The following CCDC6 variants were observed in gnomAD, a reference collection of about 807,000 sequenced individuals.
The protein encoded by CCDC6 is coiled-coil domain containing 6.
In CCDC6, 20 loss-of-function variants were observed where a neutral mutation model predicts 56.6. That is an observed-to-expected ratio of 0.35 (90% CI 0.25 to 0.51). CCDC6 has a LOEUF of 0.51. Among genes scored for constraint, CCDC6 ranks in the 20% least tolerant of loss-of-function variants. CCDC6 has a pLI of 0.95. For synonymous variants in CCDC6, 241 were observed against 234.4 expected (o/e 1.03, Z -0.26); for missense variants, 367 against 601.1 (o/e 0.61, Z 4.07).
chr10:59,898,508 C>T (rs1379994292), intron 1 of CCDC6, among the ~76,000 whole-genome samples: 3 of 152,196 alleles, frequency 2.0e-5, no homozygotes, highest in Non-Finnish European at 2.9e-5. Flanking sequence ...CAGGAGTCGG[C>T]CTAAGCTTCC....
At chr10:59,808,055 G>C (rs531900392) in intron 5 of CCDC6, among the ~76,000 whole-genome samples, 3 of 152,126 alleles carry the variant, frequency 2.0e-5, no homozygotes, top group Admixed American at 6.5e-5. Context: ...AGCGGCAGAG[G>C]GCAGGTGAAG....
intron 1 of CCDC6, among the ~76,000 whole-genome samples, chr10:59,895,300 T>C (rs1173999266): frequency 6.6e-6 from 1 of 152,114 alleles, no homozygotes; most frequent in East Asian, 1.9e-4. Context: ...AGACCCTGTC[T>C]CAAAGAAAAC....
At chr10:59,821,016 A>G (rs576764760) in intron 3 of CCDC6, among the ~76,000 whole-genome samples, 2 of 152,238 alleles carry the variant, frequency 1.3e-5, no homozygotes, top group South Asian at 4.1e-4. Context: ...TCACTTTACT[A>G]TGTGATTTCA....
intron 1 of CCDC6, among the ~76,000 whole-genome samples, chr10:59,894,974 C>T (rs2071451001): frequency 6.6e-6 from 1 of 152,174 alleles, no homozygotes; most frequent in African/African-American, 2.4e-5. Context: ...TGTATAGGAA[C>T]TTCTAATAGG....
chr10:59,853,815 C>G (rs2071058473), intron 1 of CCDC6, among the ~76,000 whole-genome samples: 1 of 151,982 alleles, frequency 6.6e-6, no homozygotes, highest in South Asian at 2.1e-4. Flanking sequence ...TTTTTGAAGG[C>G]ATTATTCAAT....
intron 2 of CCDC6, among the ~76,000 whole-genome samples, chr10:59,850,600 TGGAA>T (rs1467370521): frequency 6.6e-6 from 1 of 152,222 alleles, no homozygotes; most frequent in Non-Finnish European, 1.5e-5. Flanking sequence ...ATACCACTTT[TGGAA>T]ATAACAGTTT....
intron 7 of CCDC6, among the ~76,000 whole-genome samples, chr10:59,801,729 A>G (rs975256401): frequency 2.0e-5 from 3 of 152,192 alleles, no homozygotes; most frequent in South Asian, 4.1e-4. Flanking sequence ...TGGACTTTGG[A>G]TATTTGTTTG....
intron 2 of CCDC6, among the ~76,000 whole-genome samples, chr10:59,841,152 G>A (rs7079588): frequency 0.22 from 33,125 of 152,050 alleles, 4,735 homozygotes; most frequent in African/African-American, 0.41. Context: ...TCCCCATGAC[G>A]TCAATCTAAC....
intron 3 of CCDC6, among the ~76,000 whole-genome samples, chr10:59,816,247 T>C (rs2070708902): frequency 1.3e-5 from 2 of 152,184 alleles, no homozygotes; most frequent in African/African-American, 2.4e-5. Flanking sequence ...GATAATGATA[T>C]CATTATGTTC....
intron 3 of CCDC6, among the ~76,000 whole-genome samples, chr10:59,820,014 A>C (rs966507195): frequency 2.0e-5 from 3 of 152,200 alleles, no homozygotes. Flanking sequence ...AGTTCTTATT[A>C]TGTTCCCAAA....
Position 59,807,057 on chromosome 10 carries a change from T to A in CCDC6, c.869A>T (p.Tyr290Phe). Reference protein sequence around the residue: ...QLQHSEKMAQYLEEERHMREE... With the variant: ...QLQHSEKMAQFLEEERHMREE... ...TCTCATGTGACGTTCCTCCTCCAGA[T>A]ACTGTGCCATTTTCTCTGAATCTGA... The change falls in exon 6 of 9, where the codon TAT (tyrosine) becomes TTT (phenylalanine). Residue 290 changes from tyrosine to phenylalanine, a missense_variant. Around this residue, in one of 7 missense-constraint regions of CCDC6, gnomAD observed 81 missense variants for 150.8 expected, o/e 0.54. Coordinates refer to ENST00000263102, the MANE Select transcript of CCDC6 (RefSeq NM_005436.5). 1 of 1,613,936 alleles carries A rather than the reference T, an allele frequency of 6.2e-7. No homozygotes were observed.
intron 1 of CCDC6, among the ~76,000 whole-genome samples, chr10:59,877,718 G>A (rs2071296744): frequency 2.0e-5 from 3 of 152,078 alleles, no homozygotes; most frequent in South Asian, 4.1e-4. Context: ...CCCATTCTGT[G>A]GTAAGAGATT....
At chr10:59,849,574 T>C (rs942720347) in intron 2 of CCDC6, among the ~76,000 whole-genome samples, 1 of 152,192 alleles carries the variant, frequency 6.6e-6, no homozygotes, top group Admixed American at 6.5e-5. Context: ...CATAAAAGCA[T>C]TGTCCAATCA....
intron 1 of CCDC6, among the ~76,000 whole-genome samples, chr10:59,878,340 T>C (rs1383722840): frequency 6.6e-6 from 1 of 152,194 alleles, no homozygotes; most frequent in African/African-American, 2.4e-5. Flanking sequence ...CTTGTTTATT[T>C]CATCTACTTG....
chr10:59,888,024 T>A (rs2071395329), intron 1 of CCDC6, among the ~76,000 whole-genome samples: 1 of 152,218 alleles, frequency 6.6e-6, no homozygotes, highest in South Asian at 2.1e-4. Context: ...GAGACTCAAA[T>A]GAAATAATTT....
At chr10:59,805,806 TAG>T (rs921376990) in intron 6 of CCDC6, among the ~76,000 whole-genome samples, 5 of 152,220 alleles carry the variant, frequency 3.3e-5, no homozygotes, top group Non-Finnish European at 2.9e-5. Flanking sequence ...TATAAAAATA[TAG>T]ACTTTCATTA....
chr10:59,872,314 C>T (rs1266721416), intron 1 of CCDC6, among the ~76,000 whole-genome samples: 1 of 152,228 alleles, frequency 6.6e-6, no homozygotes, highest in Non-Finnish European at 1.5e-5. Flanking sequence ...GATGTTTCTT[C>T]CAGCAGATTC....
At chr10:59,870,937 TCAG>T (rs1186410608) in intron 1 of CCDC6, among the ~76,000 whole-genome samples, 1 of 152,170 alleles carries the variant, frequency 6.6e-6, no homozygotes, top group African/African-American at 2.4e-5. Flanking sequence ...GGTCTCCCCA[TCAG>T]CAGTTTAGCC....
intron 7 of CCDC6, among the ~76,000 whole-genome samples, chr10:59,799,174 T>C (rs1235341556): frequency 6.6e-6 from 1 of 151,904 alleles, no homozygotes; most frequent in Non-Finnish European, 1.5e-5. Context: ...TTCATGCCTG[T>C]AATTCCAGCA....
Sources: allele counts gnomAD v4.1 joint callset (sites outside exome capture counted in the v4.1 genomes callset), GRCh38; gene constraint gnomAD v4.1.1; regional missense constraint gnomAD v4.1.1; transcripts MANE v1.5; gene names NCBI Gene and HGNC (gene_info 2026-07-23, HGNC 2026-07-21).